PAPLN: variants seen among roughly 807,000 people sequenced by gnomAD.
PAPLN encodes papilin.
Under a neutral mutation model 159.0 loss-of-function variants are expected in PAPLN, and 146 were observed. The ratio of observed to expected loss-of-function variants is 0.92; its 90% CI spans 0.80 to 1.05. PAPLN has a LOEUF of 1.05. PAPLN is among the 50% of genes least tolerant of loss of function. The pLI is 0.00. For missense variants in PAPLN, 1,720 were observed against 1,743.9 expected, an observed-to-expected ratio of 0.99 and a Z score of 0.24; for synonymous variants, 734 against 702.9, an observed-to-expected ratio of 1.04 and a Z score of -0.70.
rs763598478 is a variant in PAPLN at position 73,246,145 on chromosome 14, C to A, written c.304C>A (p.Arg102=). 4 of 1,589,414 alleles carry A rather than the reference C, an allele frequency of 2.5e-6. No individual in the cohort carries two copies. Among genetic ancestry groups the A allele is most frequent in the Non-Finnish European group, 2.6e-6 (3 of 1,170,754 alleles). ...GTTCGACGGAGCGGAGTTCCAGGGGCGGCGGTATCGGTGGCTGCCCTACTA... is the reference window on the plus strand; with the variant it reads ...GTTCGACGGAGCGGAGTTCCAGGGGAGGCGGTATCGGTGGCTGCCCTACTA... ...AEFDGAEFQG[R]RYRWLPYYSA... The change falls in exon 5 of 27, where the codon CGG becomes AGG. Residue 102 remains arginine, a synonymous_variant. Coordinates refer to ENST00000644200, the MANE Select transcript of PAPLN (RefSeq NM_001365906.3).
intron 5 of PAPLN, among the ~76,000 whole-genome samples, chr14:73,246,600 C>CTTCCT (rs1273687955): frequency 1.3e-5 from 2 of 148,302 alleles, no homozygotes. Context: ...TTTTTTCTCT[C>CTTCCT]TTCCTTTCCT....
intron 14 of PAPLN, among the ~76,000 whole-genome samples, chr14:73,258,425 T>A (rs1886169955): frequency 6.6e-6 from 1 of 152,086 alleles, no homozygotes. Context: ...TTTTTTGTTT[T>A]ATGTGGCTGG....
intron 1 of PAPLN, among the ~76,000 whole-genome samples, chr14:73,238,025 G>A (rs1478962691): frequency 6.6e-6 from 1 of 152,172 alleles, no homozygotes; most frequent in African/African-American, 2.4e-5. Flanking sequence ...GCCTCCCGTG[G>A]GAACCGCGCC....
Position 73,265,506 on chromosome 14 carries a change from A to G in PAPLN, c.3262A>G (p.Arg1088Gly). Reference protein sequence around the residue: ...QRDGQPVSSPRHQLQPDGSLV... With the variant: ...QRDGQPVSSPGHQLQPDGSLV... ...AGATGGGCAGCCTGTCTCTTCTCCC[A>G]GGTTTATTTGACTCCTCTCCCCTTC... The change falls in exon 23 of 27, where the codon AGA (arginine) becomes GGA (glycine). Residue 1088 changes from arginine (R) to glycine (G), a missense_variant and splice_region_variant. Coordinates refer to ENST00000644200, the MANE Select transcript of PAPLN (RefSeq NM_001365906.3). The surrounding 1 kb of genome is among the most constrained non-coding windows in gnomAD (Gnocchi z 4.1). 1 of 1,613,594 alleles carries G rather than the reference A, an allele frequency of 6.2e-7. No individual in the cohort carries two copies. Among genetic ancestry groups the G allele is most frequent in the Non-Finnish European group, 8.5e-7 (1 of 1,179,836 alleles).
chr14:73,239,782 C>T lies in PAPLN; in HGVS notation c.4C>T (p.Arg2Trp), dbSNP rs968478056. MRLLLLVPLLLA... is the reference protein window; with the variant it reads MWLLLLVPLLLA... ...AATGCGTCTCCCGCAGGCTGAGATGCGGCTGCTCCTGCTCGTGCCGCTGCT... is the reference window on the plus strand; with the variant it reads ...AATGCGTCTCCCGCAGGCTGAGATGTGGCTGCTCCTGCTCGTGCCGCTGCT... The change falls in exon 2 of 27, where the codon CGG (arginine) becomes TGG (tryptophan). Residue 2 changes from arginine (R) to tryptophan (W), a missense_variant. Physicochemically the swap from Arg to Trp is moderately radical, Grantham distance 101. Transcript: ENST00000644200. The T allele has an allele frequency of 3.1e-6, 5 of 1,592,440 alleles. No homozygotes were observed. The highest frequency in any genetic ancestry group is 4.3e-6 in the Non-Finnish European group (5 of 1,175,728).
At chr14:73,270,233 C>T (rs1039083437) in intron 26 of PAPLN, among the ~76,000 whole-genome samples, 3 of 152,238 alleles carry the variant, frequency 2.0e-5, no homozygotes, top group Admixed American at 2.0e-4. Flanking sequence ...GACCCGGATC[C>T]CGCACTCGTG....
In PAPLN at chr14:73,261,312, C is replaced by A; in HGVS notation, c.2245+18C>A. The A allele has an allele frequency of 6.2e-7, 1 of 1,611,254 alleles. No homozygotes were observed. The highest frequency in any genetic ancestry group is 8.5e-7 in the Non-Finnish European group (1 of 1,178,838). ...CAGCCATGGTGAGTGGACACCCCCT[C>A]TCCTCCTTCTCGATGGGTAGACTCT... On this transcript the variant is annotated intron_variant, in intron 18 of 26. Coordinates refer to ENST00000644200, the MANE Select transcript of PAPLN (RefSeq NM_001365906.3).
At chr14:73,252,242 C>G (rs1885366521) in intron 10 of PAPLN, 101 bp downstream of exon 10, 1 of 1,424,378 alleles carries the variant, frequency 7.0e-7, no homozygotes, top group Non-Finnish European at 9.2e-7. Flanking sequence ...GCAGTCCCTC[C>G]TGGGGAGATG....
chr14:73,270,476 C>G (rs990859755), intron 26 of PAPLN, among the ~76,000 whole-genome samples: 1 of 152,210 alleles, frequency 6.6e-6, no homozygotes, highest in Non-Finnish European at 1.5e-5. Flanking sequence ...CCGCGACACT[C>G]AGATACATGG....
chr14:73,255,202 C>T (rs924773929), intron 14 of PAPLN, among the ~76,000 whole-genome samples, 184 bp downstream of exon 14: 2 of 152,188 alleles, frequency 1.3e-5, no homozygotes, highest in Non-Finnish European at 2.9e-5. Flanking sequence ...GTGTGCAGCC[C>T]ACCAGGCAGC....
chr14:73,242,284 G>T (rs535908620), intron 2 of PAPLN, among the ~76,000 whole-genome samples: 30 of 152,340 alleles, frequency 2.0e-4, no homozygotes, highest in African/African-American at 7.0e-4. Flanking sequence ...GTTCAGGCCA[G>T]TCCTGCCCCT....
chr14:73,263,428 G>A (rs1886803870), intron 19 of PAPLN: 1 of 612,862 alleles, frequency 1.6e-6, no homozygotes. Context: ...AGAACAGGTT[G>A]AGGCAGTGAT....
Position 73,264,584 on chromosome 14 carries a change from A to G in PAPLN, c.2987-4A>G, listed in dbSNP as rs1259728962. 2 of 1,595,818 alleles carry G rather than the reference A, an allele frequency of 1.3e-6. No individual in the cohort carries two copies. The highest frequency in any genetic ancestry group is 1.7e-6 in the Non-Finnish European group (2 of 1,174,656). On this transcript the variant is annotated splice_polypyrimidine_tract_variant and splice_region_variant and intron_variant, in intron 21 of 26. Transcript: ENST00000644200. ...ACACCTTGTTTCTCCTGGCCTCATG[A>G]CAGGGGGTGACATGGCCGTGCTGTC...
chr14:73,262,632 CAG>C lies in PAPLN; in HGVS notation c.2529_2530del (p.Ala845ArgfsTer65), dbSNP rs769783753. On this transcript the variant is annotated frameshift_variant, in exon 19 of 27. Coordinates refer to ENST00000644200, the MANE Select transcript of PAPLN (RefSeq NM_001365906.3). LOFTEE classifies it high-confidence loss of function. ...GAGCAGGAACCCAGCCAGCACAGGA[CAG>C]GGGCCGCGGTGCAGAGAAAGCCCTG... The C allele has an allele frequency of 6.6e-7, 1 of 1,525,906 alleles. No homozygotes were observed. The highest frequency in any genetic ancestry group is 1.3e-5 in the South Asian group (1 of 79,064). 94.5% of individuals were successfully genotyped at this position (1,525,906 alleles called of 1,614,324 possible).
intron 2 of PAPLN, among the ~76,000 whole-genome samples, chr14:73,240,491 G>A (rs1406018822): frequency 3.3e-5 from 5 of 151,846 alleles, no homozygotes; most frequent in East Asian, 1.9e-4. Context: ...CACCCAGGCC[G>A]GAGTGTACTG....
chr14:73,264,744 C>A lies in PAPLN; in HGVS notation c.3125+18C>A. 1.2e-6 allele frequency: 2 copies of A among 1,611,778 alleles called. No homozygotes were observed. The highest frequency in any genetic ancestry group is 1.3e-5 in the African/African-American group (1 of 74,936). On this transcript the variant is annotated intron_variant, in intron 22 of 26. Coordinates refer to ENST00000644200, the MANE Select transcript of PAPLN (RefSeq NM_001365906.3). Reference sequence around the variant, plus strand: ...GCAAACAGGTAAGAACTCAGCAATGCCATCTTGCCCTCCCCCACGCCAGGG... The same window carrying A: ...GCAAACAGGTAAGAACTCAGCAATGACATCTTGCCCTCCCCCACGCCAGGG...
intron 2 of PAPLN, among the ~76,000 whole-genome samples, chr14:73,240,416 TAATTTA>T (rs1231669994): frequency 6.6e-6 from 1 of 152,100 alleles, no homozygotes; most frequent in East Asian, 1.9e-4. Context: ...TGACTTTAAT[TAATTTA>T]AATTTATTTT....
intron 18 of PAPLN, 34 bp from the exon 19 acceptor site, chr14:73,262,316 C>A (rs1332422670): frequency 5.1e-6 from 8 of 1,570,196 alleles, no homozygotes; most frequent in Non-Finnish European, 6.9e-6. Flanking sequence ...GTACTGGGCA[C>A]CTCAGTGACT....
At position 73,269,830 on chromosome 14, in the gene PAPLN, G is replaced by A. The variant is rs58272406; in HGVS notation, c.3667+1107G>A. ...CATTCCTGACAATCAGGGCTGCAGC[G>A]CCATGCCAGGAGCACGGTTACACTC... On this transcript the variant is annotated intron_variant, in intron 26 of 26. Coordinates refer to ENST00000644200, the MANE Select transcript of PAPLN (RefSeq NM_001365906.3). Among the ~76,000 whole-genome samples the A allele has an allele frequency of 2.5e-3, 378 of 151,202 alleles. 1 individual carries two copies. The highest frequency in any genetic ancestry group is 9.1e-3 in the African/African-American group (372 of 40,966).
Sources: allele counts gnomAD v4.1 joint callset (sites outside exome capture counted in the v4.1 genomes callset), GRCh38; gene constraint gnomAD v4.1.1; non-coding constraint Gnocchi (gnomAD v3.1); transcripts MANE v1.5; gene names NCBI Gene and HGNC (gene_info 2026-07-23, HGNC 2026-07-21).